Variants in STX1A observed in about 807,000 individuals in gnomAD.
The protein encoded by STX1A is syntaxin-1A.
A neutral mutation model predicts 37.8 loss-of-function variants in STX1A; 4 were observed. That is an observed-to-expected ratio of 0.11 (90% CI 0.05 to 0.24). STX1A has a LOEUF of 0.24. STX1A is among the 10% of genes least tolerant of loss of function. The pLI, the probability that STX1A is intolerant of heterozygous loss-of-function variation, is 1.00. For synonymous variants in STX1A, 135 were observed against 147.4 expected, an observed-to-expected ratio of 0.92 and a Z score of 0.61; for missense variants, 251 against 399.9, an observed-to-expected ratio of 0.63 and a Z score of 3.18.
In STX1A at chr7:73,709,270, G is replaced by A. The variant is rs891331116; in HGVS notation, c.31-148C>T. On this transcript the variant is annotated intron_variant, in intron 1 of 9. Transcript: ENST00000222812. The surrounding 1 kb of genome is among the most constrained non-coding windows in gnomAD (Gnocchi z 4.2). Reference sequence around the variant, plus strand: ...GGACAAGAACAGGCCTGGCTGTTCCGCTCCCAGCCACAGTAAGATCTGGAG... The same window carrying A: ...GGACAAGAACAGGCCTGGCTGTTCCACTCCCAGCCACAGTAAGATCTGGAG... 27 of 703,676 alleles carry A rather than the reference G, an allele frequency of 3.8e-5. No individual in the cohort carries two copies. The highest frequency in any genetic ancestry group is 2.4e-4 in the South Asian group (13 of 53,772). The allele number at this position is 703,676 out of a possible 1,614,324, so 43.6% of individuals were successfully genotyped here. A position where few individuals can be genotyped will look rare whatever the true frequency, so the allele number is the denominator to read the frequency against.
chr7:73,704,545 T>C, intron 4 of STX1A, 122 bp from the exon 5 acceptor site: 2 of 1,253,502 alleles, frequency 1.6e-6, no homozygotes, highest in Non-Finnish European at 2.2e-6. Context: ...CTGTGGCTGG[T>C]GGGATCAGTG....
chr7:73,703,745 C>T lies in STX1A; in HGVS notation c.540+10G>A, dbSNP rs1798755653. 1.2e-6 allele frequency: 2 copies of T among 1,612,322 alleles called. No homozygotes were observed. The highest frequency in any genetic ancestry group is 1.1e-5 in the South Asian group (1 of 90,898). ...GGGGTCATGGCAGGAGGGATGGGGC[C>T]TACACTCACCCCAGAGGCAAAGATG... On this transcript the variant is annotated intron_variant, in intron 7 of 9. Transcript: ENST00000222812.
Position 73,702,715 on chromosome 7 carries a change from C to T in STX1A, c.678+130G>A, listed in dbSNP as rs782065376. 40 of 1,543,772 alleles carry T rather than the reference C, an allele frequency of 2.6e-5. No individual in the cohort carries two copies. Among genetic ancestry groups the T allele is most frequent in the South Asian group, 3.7e-5 (3 of 81,148 alleles). On this transcript the variant is annotated intron_variant, in intron 8 of 9. Transcript: ENST00000222812. The surrounding 1 kb of genome is among the most constrained non-coding windows in gnomAD (Gnocchi z 4.7). ...AGGGCCCTGGCGGCAGTTTCAACAG[C>T]GGGTGATTGGTTACCTGAGAACTTG...
chr7:73,702,683 G>GGTC lies in STX1A; in HGVS notation c.678+159_678+161dup, dbSNP rs1167057869. ...GCCATGCAGAGGACAGGGACCTTCG[G>GGTC]GTCGGCAGGGCCCTGGCGGCAGTTT... On this transcript the variant is annotated intron_variant, in intron 8 of 9. Transcript: ENST00000222812. This position sits in a 1 kb window ranked among gnomAD's most constrained non-coding sequence, Gnocchi z 4.7. 7 of 1,489,548 alleles carry GGTC rather than the reference G, an allele frequency of 4.7e-6. No individual in the cohort carries two copies. Among genetic ancestry groups the GGTC allele is most frequent in the African/African-American group, 1.4e-5 (1 of 72,112 alleles). The allele number at this position is 1,489,548 out of a possible 1,614,324, so 92.3% of individuals were successfully genotyped here. A position where few individuals can be genotyped will look rare whatever the true frequency, so the allele number is the denominator to read the frequency against.
intron 3 of STX1A, among the ~76,000 whole-genome samples, chr7:73,707,330 A>G (rs1170367826): frequency 1.3e-5 from 2 of 152,124 alleles, no homozygotes; most frequent in African/African-American, 2.4e-5. Flanking sequence ...CCCAGTGTGG[A>G]GGGAGAGGGG....
intron 7 of STX1A, chr7:73,703,385 GCCTGCCTCGAACA>G (rs1798737528): frequency 1.7e-6 from 1 of 574,870 alleles, no homozygotes; most frequent in Non-Finnish European, 3.3e-6. Context: ...ACAGCCCCAA[GCCTGCCTCGAACA>G]CCTGTGTGCC....
chr7:73,709,001 A>T lies in STX1A; in HGVS notation c.108+44T>A. 3.1e-6 allele frequency: 5 copies of T among 1,607,980 alleles called. No homozygotes were observed. The highest frequency in any genetic ancestry group is 3.4e-6 in the Non-Finnish European group (4 of 1,174,532). ...GCTCAGAGGCGAGAGTGGCCCCCCA[A>T]GTTCTGCCAGTGTGCGGGAAGGGTG... On this transcript the variant is annotated intron_variant, in intron 2 of 9. Transcript: ENST00000222812. This position sits in a 1 kb window ranked among gnomAD's most constrained non-coding sequence, Gnocchi z 4.2.
At chr7:73,713,679 A>G (rs568601711) in intron 1 of STX1A, among the ~76,000 whole-genome samples, 78 of 152,358 alleles carry the variant, frequency 5.1e-4, no homozygotes, top group African/African-American at 1.7e-3. Flanking sequence ...GCAGTGAGCT[A>G]TGATCGTGCC....
At chr7:73,715,155 G>A (rs1299874371) in intron 1 of STX1A, among the ~76,000 whole-genome samples, 1 of 150,730 alleles carries the variant, frequency 6.6e-6, no homozygotes, top group African/African-American at 2.4e-5. Context: ...TGGGTGTGGT[G>A]GCTTACACCT....
chr7:73,719,455 A>G, intron 1 of STX1A, 147 bp downstream of exon 1: 1 of 797,568 alleles, frequency 1.3e-6, no homozygotes, highest in East Asian at 4.3e-5. Flanking sequence ...AGGGGGGTCG[A>G]GGTCCCTGGC....
rs1408853274 is a variant in STX1A at position 73,709,904 on chromosome 7, T to A, written c.31-782A>T. Among the ~76,000 whole-genome samples the A allele has an allele frequency of 1.3e-5, 2 of 152,088 alleles. No individual in the cohort carries two copies. Among genetic ancestry groups the A allele is most frequent in the Non-Finnish European group, 2.9e-5 (2 of 68,018 alleles). ...TTAAAACAGTTTTTAAATTTAATTT[T>A]TATTTTTGTAGAGACGGGGGTCTCA... On this transcript the variant is annotated intron_variant, in intron 1 of 9. Transcript: ENST00000222812. The surrounding 1 kb of genome is among the most constrained non-coding windows in gnomAD (Gnocchi z 4.2).
intron 1 of STX1A, among the ~76,000 whole-genome samples, chr7:73,718,300 C>T (rs1226298188): frequency 1.3e-5 from 2 of 152,142 alleles, no homozygotes; most frequent in African/African-American, 2.4e-5. Context: ...GGCCGTGGTG[C>T]CAGAGCAAGT....
At chr7:73,708,800 A>G in intron 2 of STX1A, 112 bp from the exon 3 acceptor site, 1 of 1,189,298 alleles carries the variant, frequency 8.4e-7, no homozygotes, top group Non-Finnish European at 1.2e-6. Flanking sequence ...AGGACGGGCC[A>G]GGCTCCGGGT....
Position 73,700,403 on chromosome 7 carries a change from G to T in STX1A, c.*4C>A, listed in dbSNP as rs782782367. On this transcript the variant is annotated 3_prime_UTR_variant, in exon 10 of 10. Coordinates refer to ENST00000222812, the MANE Select transcript of STX1A (RefSeq NM_004603.4). The surrounding 1 kb of genome is among the most constrained non-coding windows in gnomAD (Gnocchi z 4.4). ...CTGGAGTGGAGTGGCAGTTTGGGTGGCTTCTAGGCGAAGATGCCCCCAACA... is the reference window on the plus strand; with the variant it reads ...CTGGAGTGGAGTGGCAGTTTGGGTGTCTTCTAGGCGAAGATGCCCCCAACA... 1 of 1,614,034 alleles carries T rather than the reference G, an allele frequency of 6.2e-7. No individual in the cohort carries two copies. The highest frequency in any genetic ancestry group is 1.1e-5 in the South Asian group (1 of 91,076).
chr7:73,711,700 C>T (rs1406854472), intron 1 of STX1A, among the ~76,000 whole-genome samples: 8 of 152,162 alleles, frequency 5.3e-5, no homozygotes, highest in Non-Finnish European at 1.0e-4. Flanking sequence ...GAGCTCCTGC[C>T]ATTCAGTGTC....
At chr7:73,710,179 C>A (rs1799047415) in intron 1 of STX1A, among the ~76,000 whole-genome samples, 1 of 152,260 alleles carries the variant, frequency 6.6e-6, no homozygotes, top group African/African-American at 2.4e-5. Context: ...ACTCCACTGT[C>A]CCAGGACCAG....
In STX1A at chr7:73,700,848, G is replaced by A; in HGVS notation, c.679-8C>T. 1 of 1,612,838 alleles carries A rather than the reference G, an allele frequency of 6.2e-7. No homozygotes were observed. On this transcript the variant is annotated splice_region_variant and splice_polypyrimidine_tract_variant and intron_variant, in intron 8 of 9. Transcript: ENST00000222812. This position sits in a 1 kb window ranked among gnomAD's most constrained non-coding sequence, Gnocchi z 4.4. ...CCTGTCAATCATCTCTCCCTGCGGG[G>A]CCGGGGGCACCCGAGCTCCAGAGGG... is the stretch of plus-strand genomic sequence containing the variant.
At position 73,700,500 on chromosome 7, in the gene STX1A, G is replaced by A. The variant is rs1438461944; in HGVS notation, c.790-16C>T. ...TGATTTTCTTCTGCATGGGAAGCGG[G>A]CAGGAGAGGCCTCAGACAGTGTTGG... On this transcript the variant is annotated splice_polypyrimidine_tract_variant and intron_variant, in intron 9 of 9. Coordinates refer to ENST00000222812, the MANE Select transcript of STX1A (RefSeq NM_004603.4). This position sits in a 1 kb window ranked among gnomAD's most constrained non-coding sequence, Gnocchi z 4.4. 4 of 1,613,388 alleles carry A rather than the reference G, an allele frequency of 2.5e-6. No individual in the cohort carries two copies. In the African/African-American group the frequency reaches 5.3e-5, roughly 22 times the overall value.
intron 1 of STX1A, among the ~76,000 whole-genome samples, chr7:73,711,082 G>A (rs538948303): frequency 5.9e-5 from 9 of 152,044 alleles, no homozygotes; most frequent in African/African-American, 9.7e-5. Context: ...TCAACCTCCC[G>A]GGCTCAAGCC....
Sources: allele counts gnomAD v4.1 joint callset (sites outside exome capture counted in the v4.1 genomes callset), GRCh38; gene constraint gnomAD v4.1.1; non-coding constraint Gnocchi (gnomAD v3.1); transcripts MANE v1.5; gene names NCBI Gene and HGNC (gene_info 2026-07-23, HGNC 2026-07-21).